Variants in RNF38 observed in about 807,000 individuals in gnomAD.
RNF38 encodes E3 ubiquitin-protein ligase RNF38.
Under a neutral mutation model 67.2 loss-of-function variants are expected in RNF38, and 15 were observed. The ratio of observed to expected loss-of-function variants is 0.22; its 90% CI spans 0.15 to 0.34. The LOEUF (loss-of-function observed/expected upper bound fraction) is 0.34, where lower values mean the gene tolerates loss of function less well. Ranked by LOEUF, RNF38 falls within the 10% of genes least tolerant of loss-of-function variation. RNF38 has a pLI of 1.00. For synonymous variants in RNF38, 220 were observed against 218.8 expected (o/e 1.01, Z -0.05); for missense variants, 524 against 639.9 (o/e 0.82, Z 1.95).
At chr9:36,400,927 C>G (rs1248929021), upstream of RNF38, 44 of 985,084 alleles carry the variant, frequency 4.5e-5, no homozygotes, top group Non-Finnish European at 4.9e-5. Flanking sequence ...CCGCCGCACC[C>G]CGCCTCACCC....
chr9:36,485,309 T>TATATATATATATATATATATATATAC (rs1840380019), intron 1 of RNF38, among the ~76,000 whole-genome samples: 1 of 152,114 alleles, frequency 6.6e-6, no homozygotes, highest in African/African-American at 2.4e-5. Flanking sequence ...TTAGGGTATA[T>TATATATATATATATATATATATATAC]ATACACACAC....
intron 2 of RNF38, among the ~76,000 whole-genome samples, chr9:36,388,257 T>C (rs900784871): frequency 2.0e-5 from 3 of 152,246 alleles, no homozygotes; most frequent in African/African-American, 7.2e-5. Context: ...GTCTTATTAT[T>C]ATATAGATGT....
chr9:36,390,488 A>G lies in RNF38; in HGVS notation c.141T>C (p.Ala47=), dbSNP rs768395727. The G allele has an allele frequency of 5.6e-6, 9 of 1,613,132 alleles. No individual in the cohort carries two copies. The East Asian group carries it at 2.0e-4, about 36-fold the overall frequency. The change falls in exon 2 of 12, where the codon GCT becomes GCC. Residue 47 remains alanine, a synonymous_variant. Coordinates refer to ENST00000259605, the MANE Select transcript of RNF38 (RefSeq NM_022781.5). ...GAACCTGGAAGAAAGCTTTGAAGTGAGCATCCTCTTGAACGGTAGTGTTCT... is the reference window on the plus strand; with the variant it reads ...GAACCTGGAAGAAAGCTTTGAAGTGGGCATCCTCTTGAACGGTAGTGTTCT... The part of the protein sequence containing the change: ...SDQNTTVQED[A]HFKAFFQSED...
intron 4 of RNF38, among the ~76,000 whole-genome samples, chr9:36,362,374 A>C (rs553509973): frequency 6.6e-6 from 1 of 151,918 alleles, no homozygotes; most frequent in African/African-American, 2.4e-5. Context: ...AGGGGGGAGA[A>C]GGAGTTTCAT....
intron 1 of RNF38, among the ~76,000 whole-genome samples, chr9:36,451,491 G>GTT (rs374396585): frequency 0.086 from 5,048 of 58,674 alleles, 1,090 homozygotes; most frequent in Non-Finnish European, 0.12. Flanking sequence ...AATTGTAGTA[G>GTT]TTTTTTTTTT....
At chr9:36,464,487 C>T (rs1839814494) in intron 1 of RNF38, among the ~76,000 whole-genome samples, 1 of 151,730 alleles carries the variant, frequency 6.6e-6, no homozygotes, top group Admixed American at 6.6e-5. Context: ...AGGAGAATTG[C>T]TTGAACCTGG....
At chr9:36,429,156 A>G (rs1838863292) in intron 1 of RNF38, among the ~76,000 whole-genome samples, 2 of 152,202 alleles carry the variant, frequency 1.3e-5, no homozygotes, top group South Asian at 4.1e-4. Flanking sequence ...CTTTTAAATA[A>G]ATTTTAATAG....
At chr9:36,466,517 T>C (rs1839865655) in intron 1 of RNF38, among the ~76,000 whole-genome samples, 1 of 152,180 alleles carries the variant, frequency 6.6e-6, no homozygotes, top group African/African-American at 2.4e-5. Flanking sequence ...ACACGTGGGT[T>C]CACACTATGA....
At chr9:36,485,785 T>C (rs147362712) in intron 1 of RNF38, among the ~76,000 whole-genome samples, 2 of 152,190 alleles carry the variant, frequency 1.3e-5, no homozygotes, top group Non-Finnish European at 2.9e-5. Flanking sequence ...AATTAATGCA[T>C]TTGTTAATTA....
intron 1 of RNF38, among the ~76,000 whole-genome samples, chr9:36,471,710 T>C (rs1407077920): frequency 1.3e-5 from 2 of 152,230 alleles, no homozygotes; most frequent in South Asian, 2.1e-4. Context: ...CAGAGTCAAA[T>C]TGTAACTTCA....
intron 1 of RNF38, among the ~76,000 whole-genome samples, chr9:36,439,408 G>C (rs989880102): frequency 1.8e-4 from 28 of 152,060 alleles, no homozygotes; most frequent in African/African-American, 6.3e-4. Context: ...CCTTCAAAGA[G>C]GTGTGACACC....
chr9:36,462,023 T>C (rs1210152038), intron 1 of RNF38, among the ~76,000 whole-genome samples: 1 of 151,984 alleles, frequency 6.6e-6, no homozygotes, highest in Non-Finnish European at 1.5e-5. Flanking sequence ...TGGCAAAAAG[T>C]ATATGCAAAG....
At chr9:36,411,365 C>T (rs1174777950) in intron 2 of RNF38, among the ~76,000 whole-genome samples, 1 of 152,082 alleles carries the variant, frequency 6.6e-6, no homozygotes, top group Non-Finnish European at 1.5e-5. Flanking sequence ...ATGGCAGTTC[C>T]TCACAAAATA....
At chr9:36,385,961 C>G (rs1836597637) in intron 2 of RNF38, among the ~76,000 whole-genome samples, 1 of 152,212 alleles carries the variant, frequency 6.6e-6, no homozygotes. Context: ...CTGGGAAAAG[C>G]CTTCTACAAC....
chr9:36,460,844 A>G (rs1427415853), intron 1 of RNF38, among the ~76,000 whole-genome samples: 2 of 145,030 alleles, frequency 1.4e-5, no homozygotes, highest in Admixed American at 1.5e-4. Context: ...CCGAGATTGC[A>G]CCATTGCACT....
At chr9:36,383,980 T>C (rs1016113847) in intron 2 of RNF38, among the ~76,000 whole-genome samples, 1 of 152,138 alleles carries the variant, frequency 6.6e-6, no homozygotes, top group Admixed American at 6.5e-5. Flanking sequence ...ACAGGAACTA[T>C]AAATAAAGTG....
chr9:36,461,152 T>C (rs1054480266), intron 1 of RNF38, among the ~76,000 whole-genome samples: 3 of 151,208 alleles, frequency 2.0e-5, no homozygotes, highest in African/African-American at 4.9e-5. Context: ...GAGGCGGAGA[T>C]TGCGGTGAGC....
chr9:36,456,274 C>G (rs1479939377), intron 1 of RNF38, among the ~76,000 whole-genome samples: 2 of 152,160 alleles, frequency 1.3e-5, no homozygotes, highest in African/African-American at 4.8e-5. Flanking sequence ...CCAGGCTGGT[C>G]TCGAACTTCT....
chr9:36,341,576 ACTT>A (rs1414535908), intron 11 of RNF38, among the ~76,000 whole-genome samples: 1 of 151,928 alleles, frequency 6.6e-6, no homozygotes, highest in Non-Finnish European at 1.5e-5. Context: ...GCTTTTGTAA[ACTT>A]TTTTTTTTAA....
Sources: gnomAD v4.1 joint callset for allele counts (sites outside exome capture counted in the v4.1 genomes callset) on GRCh38, gnomAD v4.1.1 for gene constraint, MANE v1.5 for transcripts, NCBI Gene and HGNC (gene_info 2026-07-23, HGNC 2026-07-21) for gene names.